Variants in TNFRSF10B observed in about 807,000 individuals in gnomAD.
TNFRSF10B encodes TNF receptor superfamily member 10b, also known as tumor necrosis factor receptor superfamily member 10B.
In TNFRSF10B, 35 loss-of-function variants were observed where a neutral mutation model predicts 41.4. The ratio of observed to expected loss-of-function variants is 0.85; its 90% CI spans 0.65 to 1.12. The LOEUF is 1.12. Among genes scored for constraint, TNFRSF10B ranks in the 50% most tolerant of loss-of-function variants. The pLI is 0.00. For missense variants in TNFRSF10B, 584 were observed against 552.7 expected (o/e 1.06, Z -0.57); for synonymous variants, 230 against 215.5 (o/e 1.07, Z -0.59).
chr8:23,028,194 G>A, intron 5 of TNFRSF10B, 137 bp downstream of exon 5: 1 of 1,195,434 alleles, frequency 8.4e-7, no homozygotes, highest in Non-Finnish European at 1.2e-6. Context: ...GGATGGGGGT[G>A]ACCACGAGGA....
Position 23,059,221 on chromosome 8 carries a change from C to T in TNFRSF10B, c.144+9530G>A, listed in dbSNP as rs369018019. Among the ~76,000 whole-genome samples, 9 of 152,222 alleles carry T rather than the reference C, an allele frequency of 5.9e-5. No homozygotes were observed. The East Asian group carries it at 1.2e-3, about 20-fold the overall frequency. ...AGTAATACTCCATTGTATGAATATA[C>T]CACATTATCTATTGATCTGTCCAAC... On this transcript the variant is annotated intron_variant, in intron 1 of 8. Transcript: ENST00000276431.
intron 1 of TNFRSF10B, chr8:23,068,548 C>T: frequency 1.4e-6 from 1 of 731,546 alleles, no homozygotes; most frequent in Admixed American, 3.0e-5. Context: ...AGCGCGCGCT[C>T]TGTTCCCTGG....
chr8:23,060,107 A>G (rs973800065), intron 1 of TNFRSF10B, among the ~76,000 whole-genome samples: 1 of 152,206 alleles, frequency 6.6e-6, no homozygotes, highest in Non-Finnish European at 1.5e-5. Context: ...TATCCAGTTA[A>G]TAGTATCTTT....
Position 23,020,742 on chromosome 8 carries a change from T to A in TNFRSF10B, c.*1929A>T. 4.4e-6 allele frequency: 2 copies of A among 453,896 alleles called. No individual in the cohort carries two copies. The highest frequency in any genetic ancestry group is 3.1e-5 in the South Asian group (2 of 64,468). 28.1% of individuals were successfully genotyped at this position (453,896 alleles called of 1,614,324 possible). A position where few individuals can be genotyped will look rare whatever the true frequency, so the allele number is the denominator to read the frequency against. ...TCTTAAACACTGATAAGGCTGACAC[T>A]CTAGATGCATCTTCTAGGAAGGCCT... On this transcript the variant is annotated 3_prime_UTR_variant, in exon 9 of 9. Coordinates refer to ENST00000276431, the MANE Select transcript of TNFRSF10B (RefSeq NM_003842.5).
Position 23,022,992 on chromosome 8 carries a change from A to G in TNFRSF10B, c.1010-8T>C. ...CGAAGCACTGTCTCAGAGCTGGTGG[A>G]GAAAGCCACAGAGACAGCCAGGTGA... On this transcript the variant is annotated splice_region_variant and splice_polypyrimidine_tract_variant and intron_variant, in intron 8 of 8. Coordinates refer to ENST00000276431, the MANE Select transcript of TNFRSF10B (RefSeq NM_003842.5). 1 of 1,608,880 alleles carries G rather than the reference A, an allele frequency of 6.2e-7. No homozygotes were observed. Among genetic ancestry groups the G allele is most frequent in the Non-Finnish European group, 8.5e-7 (1 of 1,179,958 alleles).
chr8:23,024,274 T>C lies in TNFRSF10B; in HGVS notation c.937-14A>G, dbSNP rs751420306. 7.4e-6 allele frequency: 12 copies of C among 1,613,908 alleles called. No homozygotes were observed. The highest frequency in any genetic ancestry group is 8.5e-6 in the Non-Finnish European group (10 of 1,179,902). On this transcript the variant is annotated splice_polypyrimidine_tract_variant and intron_variant, in intron 7 of 8. Transcript: ENST00000276431. Reference sequence around the variant, plus strand: ...TTCTGCCGGTTCCTGTAACACATAGTGGGGAATGTCCTGGTCAGAGCCAGG... The same window carrying C: ...TTCTGCCGGTTCCTGTAACACATAGCGGGGAATGTCCTGGTCAGAGCCAGG...
chr8:23,040,995 C>G (rs1259784847), intron 2 of TNFRSF10B, among the ~76,000 whole-genome samples: 2 of 151,628 alleles, frequency 1.3e-5, no homozygotes, highest in African/African-American at 4.9e-5. Context: ...CCATGTGGCT[C>G]AATGACTTAA....
At chr8:23,023,069 CGGGGAACCTGGAGAGCCCCGTGTGCG>C in intron 8 of TNFRSF10B, 85 bp from the exon 9 acceptor site, 1 of 1,534,512 alleles carries the variant, frequency 6.5e-7, no homozygotes, top group Non-Finnish European at 8.8e-7. Flanking sequence ...GAACCCAAGG[CGGGGAACCTGGAGAGCCCCGTGTGCG>C]GGCAAACCTG....
In TNFRSF10B at chr8:23,067,073, G is replaced by T. The variant is rs182476714; in HGVS notation, c.144+1678C>A. On this transcript the variant is annotated intron_variant, in intron 1 of 8. Transcript: ENST00000276431. The stretch of plus-strand genomic sequence containing the variant: ...TGCTCACTGCAACTTCTGCCTCCCA[G>T]GTTCAAGTGATTCTCCTGCCTCAAC... Among the ~76,000 whole-genome samples, 331 of 151,772 alleles carry T rather than the reference G, an allele frequency of 2.2e-3. 1 individual carries two copies. The highest frequency in any genetic ancestry group is 7.8e-3 in the African/African-American group (323 of 41,436).
At chr8:23,068,184 A>C (rs972817798) in intron 1 of TNFRSF10B, 2 of 154,546 alleles carry the variant, frequency 1.3e-5, no homozygotes, top group African/African-American at 4.8e-5. Context: ...GCCGCTAAGG[A>C]GGGGAAGGGG....
chr8:23,045,915 T>A (rs1209184731), intron 1 of TNFRSF10B, among the ~76,000 whole-genome samples: 2 of 151,286 alleles, frequency 1.3e-5, no homozygotes, highest in Admixed American at 6.6e-5. Flanking sequence ...TCTAATCAAA[T>A]TAGGTGTAAA....
At chr8:23,066,689 C>T (rs937464872) in intron 1 of TNFRSF10B, among the ~76,000 whole-genome samples, 5 of 151,742 alleles carry the variant, frequency 3.3e-5, no homozygotes, top group Admixed American at 6.6e-5. Context: ...GGGCAGATCA[C>T]GAGCCAGACC....
Position 23,028,662 on chromosome 8 carries a change from G to C in TNFRSF10B, c.477-60C>G, listed in dbSNP as rs1811785638. 1.1e-5 allele frequency: 17 copies of C among 1,603,410 alleles called. No homozygotes were observed. In the South Asian group the frequency reaches 1.3e-4, roughly 12 times the overall value. ...TGATGGAAAGCTGGCCAGGTGGGAT[G>C]AAAGAGGAGCCACCCTCCCTCCCCA... On this transcript the variant is annotated intron_variant, in intron 4 of 8. Coordinates refer to ENST00000276431, the MANE Select transcript of TNFRSF10B (RefSeq NM_003842.5).
rs1422670444 is a variant in TNFRSF10B at position 23,066,987 on chromosome 8, C to CT, written c.144+1763dup. Among the ~76,000 whole-genome samples, 20 of 150,122 alleles carry CT rather than the reference C, an allele frequency of 1.3e-4. 1 individual carries two copies. Among genetic ancestry groups the CT allele is most frequent in the Admixed American group, 8.6e-4 (13 of 15,060 alleles). ...AACTCTGTTGTGGCTTTCTTTCTTT[C>CT]TTTTTTTTGAGTTGGAGTCTTGCTC... On this transcript the variant is annotated intron_variant, in intron 1 of 8. Transcript: ENST00000276431.
chr8:23,024,310 T>C, intron 7 of TNFRSF10B, 50 bp from the exon 8 acceptor site: 2 of 1,608,436 alleles, frequency 1.2e-6, no homozygotes, highest in South Asian at 2.2e-5. Flanking sequence ...AGTCCTACAG[T>C]CCAGTACTGA....
rs1259221482 is a variant in TNFRSF10B, at chr8:23,020,195, C to A, written c.*2476G>T. 8 of 440,600 alleles carry A rather than the reference C, an allele frequency of 1.8e-5. No homozygotes were observed. Among genetic ancestry groups the A allele is most frequent in the Non-Finnish European group, 3.7e-5 (8 of 217,744 alleles). 27.3% of individuals were successfully genotyped at this position (440,600 alleles called of 1,614,324 possible). A position where few individuals can be genotyped will look rare whatever the true frequency, so the allele number is the denominator to read the frequency against. Reference sequence around the variant, plus strand: ...TTCATAAATACATAAGTATTTTGTACACAATGTGCTTCCTTGTTTGTATTA... The same window carrying A: ...TTCATAAATACATAAGTATTTTGTAAACAATGTGCTTCCTTGTTTGTATTA... On this transcript the variant is annotated 3_prime_UTR_variant, in exon 9 of 9. Transcript: ENST00000276431.
intron 1 of TNFRSF10B, among the ~76,000 whole-genome samples, chr8:23,055,264 C>T (rs760717483): frequency 3.2e-4 from 49 of 152,118 alleles, no homozygotes; most frequent in African/African-American, 1.1e-3. Context: ...ACAGTGCTAC[C>T]GGGAACAAAT....
chr8:23,058,857 G>GT (rs963477512), intron 1 of TNFRSF10B, among the ~76,000 whole-genome samples: 4 of 152,012 alleles, frequency 2.6e-5, no homozygotes, highest in Admixed American at 6.6e-5. Context: ...AATAAATGCT[G>GT]TTTTTTTAAA....
chr8:23,025,840 C>G (rs1019629850), intron 7 of TNFRSF10B, among the ~76,000 whole-genome samples: 4 of 152,220 alleles, frequency 2.6e-5, no homozygotes, highest in South Asian at 2.1e-4. Flanking sequence ...TTTTGGGAGG[C>G]CAAGGAGGGT....
Sources: allele counts gnomAD v4.1 joint callset (sites outside exome capture counted in the v4.1 genomes callset), GRCh38; gene constraint gnomAD v4.1.1; transcripts MANE v1.5; gene names NCBI Gene and HGNC (gene_info 2026-07-23, HGNC 2026-07-21).